The following ZNF425 variants were observed in gnomAD, a reference collection of about 807,000 sequenced individuals.
The protein encoded by ZNF425 is zinc finger protein 425.
Under a neutral mutation model 17.0 loss-of-function variants are expected in ZNF425, and 21 were observed. The ratio of observed to expected loss-of-function variants is 1.23; its 90% CI spans 0.88 to 1.78. The LOEUF (loss-of-function observed/expected upper bound fraction) is 1.78. Among genes scored for constraint, ZNF425 ranks in the 40% most tolerant of loss-of-function variants. ZNF425 has a pLI of 0.00. For missense variants in ZNF425, 868 were observed against 967.3 expected (o/e 0.90, Z 1.36); for synonymous variants, 433 against 384.1 (o/e 1.13, Z -1.49).
chr7:149,118,195 A>T (rs1387800236), intron 2 of ZNF425, 27 bp downstream of exon 2: 34 of 1,613,666 alleles, frequency 2.1e-5, no homozygotes, highest in Non-Finnish European at 2.9e-5. Flanking sequence ...GGTTCCTAAA[A>T]AGTGATTCCT....
intron 2 of ZNF425, 173 bp from the exon 3 acceptor site, chr7:149,112,468 A>G (rs1826190126): frequency 1.8e-6 from 1 of 544,812 alleles, no homozygotes; most frequent in Non-Finnish European, 3.2e-6. Flanking sequence ...CTCCGTCTCT[A>G]CTAAAATTAC....
intron 1 of ZNF425, 115 bp downstream of exon 1, chr7:149,126,081 G>A: frequency 1.3e-6 from 2 of 1,568,938 alleles, no homozygotes; most frequent in South Asian, 2.3e-5. Flanking sequence ...GTGGGCCACT[G>A]CCAACCCCCA....
rs913575109 is a variant in ZNF425, at chr7:149,104,240, T to G, written c.1631A>C (p.His544Pro). 6.2e-7 allele frequency: 1 copy of G among 1,613,604 alleles called. No individual in the cohort carries two copies. The highest frequency in any genetic ancestry group is 1.3e-5 in the African/African-American group (1 of 74,938). Reference protein sequence around the residue: ...SFRRRAHLTEHTRLHSGEEPF... With the variant: ...SFRRRAHLTEPTRLHSGEEPF... ...CTCCTCGCCACTGTGAAGCCTCGTGTGCTCTGTGAGATGCGCGCGTCGGCG... is the reference window on the plus strand; with the variant it reads ...CTCCTCGCCACTGTGAAGCCTCGTGGGCTCTGTGAGATGCGCGCGTCGGCG... Residue 544 changes from histidine (H) to proline (P), a missense_variant, in exon 4 of 4, where the codon CAC becomes CCC. Physicochemically the swap from His to Pro is moderately conservative, Grantham distance 77. Coordinates refer to ENST00000378061, the MANE Select transcript of ZNF425 (RefSeq NM_001001661.3). This position sits in a 1 kb window ranked among gnomAD's most constrained non-coding sequence, Gnocchi z 4.3.
intron 3 of ZNF425, among the ~76,000 whole-genome samples, chr7:149,106,659 G>A (rs1826085687): frequency 6.6e-6 from 1 of 152,098 alleles, no homozygotes; most frequent in Non-Finnish European, 1.5e-5. Context: ...TTCACCATGT[G>A]TTAAGAAATA....
chr7:149,109,073 TTTTC>T (rs1437971122), intron 3 of ZNF425, among the ~76,000 whole-genome samples: 3 of 150,952 alleles, frequency 2.0e-5, no homozygotes, highest in South Asian at 4.2e-4. Context: ...CTGTTTTCTT[TTTTC>T]TTTCTTTTTT....
chr7:149,124,419 T>C (rs946123909), intron 1 of ZNF425, among the ~76,000 whole-genome samples: 1 of 152,210 alleles, frequency 6.6e-6, no homozygotes, highest in Non-Finnish European at 1.5e-5. Flanking sequence ...CCACCCAAAG[T>C]GCTGGGATTA....
intron 3 of ZNF425, among the ~76,000 whole-genome samples, chr7:149,111,590 TAAAAAA>T (rs60783786): frequency 0.013 from 719 of 54,308 alleles, 11 homozygotes; most frequent in African/African-American, 0.039. Context: ...AGACTCTGTC[TAAAAAA>T]AAAAAAAAAA....
At chr7:149,113,745 G>A (rs1386730980) in intron 2 of ZNF425, among the ~76,000 whole-genome samples, 1 of 151,458 alleles carries the variant, frequency 6.6e-6, no homozygotes, top group African/African-American at 2.4e-5. Context: ...TAGAGATGGG[G>A]TTTCACCGTG....
At chr7:149,119,952 C>T (rs1438777776) in intron 1 of ZNF425, among the ~76,000 whole-genome samples, 1 of 152,130 alleles carries the variant, frequency 6.6e-6, no homozygotes, top group African/African-American at 2.4e-5. Flanking sequence ...GGGACTTGAG[C>T]ATCCATGGAT....
chr7:149,110,098 A>G (rs1826149714), intron 3 of ZNF425, among the ~76,000 whole-genome samples: 1 of 149,796 alleles, frequency 6.7e-6, no homozygotes, highest in Non-Finnish European at 1.5e-5. Context: ...CTGGTCTCGA[A>G]CTCCTGACCT....
Position 149,104,760 on chromosome 7 carries a change from C to T in ZNF425, c.1111G>A (p.Ala371Thr). 3 of 1,613,038 alleles carry T rather than the reference C, an allele frequency of 1.9e-6. No homozygotes were observed. The highest frequency in any genetic ancestry group is 1.7e-6 in the Non-Finnish European group (2 of 1,179,782). ...PECGRSFSRKAALKTHQRTHS... is the reference protein window; with the variant it reads ...PECGRSFSRKTALKTHQRTHS... ...GTCCTCTGGTGGGTCTTCAGGGCAG[C>T]CTTCCGGGAGAAGCTCCGGCCACAC... The change falls in exon 4 of 4, where the codon GCT (alanine) becomes ACT (threonine). Residue 371 changes from alanine to threonine, a missense_variant. By Grantham distance (58) the Ala-to-Thr change is moderately conservative. Around this residue, in one of 5 missense-constraint regions of ZNF425, gnomAD observed 243 missense variants for 265.2 expected, o/e 0.92. Coordinates refer to ENST00000378061, the MANE Select transcript of ZNF425 (RefSeq NM_001001661.3). The surrounding 1 kb of genome is among the most constrained non-coding windows in gnomAD (Gnocchi z 4.3).
In ZNF425 at chr7:149,103,399, G is replaced by A; in HGVS notation, c.*213C>T. On this transcript the variant is annotated 3_prime_UTR_variant, in exon 4 of 4. Coordinates refer to ENST00000378061, the MANE Select transcript of ZNF425 (RefSeq NM_001001661.3). ...CGCCTGGCTGACTTTTATATTTTTT[G>A]TAGAGATGGAGTCTTGCAATGTTGC... 3 of 567,128 alleles carry A rather than the reference G, an allele frequency of 5.3e-6. No homozygotes were observed. The highest frequency in any genetic ancestry group is 8.9e-6 in the Non-Finnish European group (3 of 335,988). The allele number at this position is 567,128 out of a possible 1,614,324, so 35.1% of individuals were successfully genotyped here. A position where few individuals can be genotyped will look rare whatever the true frequency, so the allele number is the denominator to read the frequency against.
At chr7:149,109,109 C>T (rs1180952780) in intron 3 of ZNF425, among the ~76,000 whole-genome samples, 2 of 144,912 alleles carry the variant, frequency 1.4e-5, no homozygotes, top group African/African-American at 5.2e-5. Flanking sequence ...AACGGAGTCT[C>T]GCTCTGTTGC....
intron 1 of ZNF425, among the ~76,000 whole-genome samples, chr7:149,120,503 T>G (rs911021853): frequency 6.6e-6 from 1 of 152,238 alleles, no homozygotes; most frequent in Non-Finnish European, 1.5e-5. Flanking sequence ...TTTACCAATA[T>G]AGTCATGTGC....
At chr7:149,108,123 C>T (rs1206285051) in intron 3 of ZNF425, among the ~76,000 whole-genome samples, 1 of 151,868 alleles carries the variant, frequency 6.6e-6, no homozygotes, top group Admixed American at 6.6e-5. Flanking sequence ...CTTCCTGCCT[C>T]AGCCTCACAA....
At chr7:149,107,104 C>CAAA (rs35268081) in intron 3 of ZNF425, among the ~76,000 whole-genome samples, 1 of 82,038 alleles carries the variant, frequency 1.2e-5, no homozygotes, top group Non-Finnish European at 2.7e-5. Flanking sequence ...GAGACTGTCT[C>CAAA]AAAAAAAAAA....
rs758330922 is a variant in ZNF425 at position 149,104,461 on chromosome 7, G to A, written c.1410C>T (p.Phe470=). Residue 470 remains phenylalanine, a synonymous_variant, in exon 4 of 4, where the codon TTC becomes TTT. Coordinates refer to ENST00000378061, the MANE Select transcript of ZNF425 (RefSeq NM_001001661.3). This position sits in a 1 kb window ranked among gnomAD's most constrained non-coding sequence, Gnocchi z 4.3. ...AGCGCTTGCCGCACTCGGCGCAGGG[G>A]AAGGGCTTTTGCTCGCTGTGCAGGC... ...HQRLHSEQKP[F]PCAECGKRFT... is the part of the protein sequence containing the mutation. The A allele has an allele frequency of 1.9e-6, 3 of 1,600,590 alleles. No homozygotes were observed. The highest frequency in any genetic ancestry group is 2.6e-6 in the Non-Finnish European group (3 of 1,174,416).
At chr7:149,108,709 C>T (rs573038871) in intron 3 of ZNF425, among the ~76,000 whole-genome samples, 44 of 152,106 alleles carry the variant, frequency 2.9e-4, no homozygotes, top group African/African-American at 9.4e-4. Flanking sequence ...CTGGCTAACA[C>T]GGTGAAACCC....
chr7:149,113,928 T>C (rs1826213243), intron 2 of ZNF425, among the ~76,000 whole-genome samples: 1 of 148,708 alleles, frequency 6.7e-6, no homozygotes, highest in Non-Finnish European at 1.5e-5. Context: ...GTTGGGAGGA[T>C]CACTTGAGCC....
Sources: gnomAD v4.1 joint callset for allele counts (sites outside exome capture counted in the v4.1 genomes callset) on GRCh38, gnomAD v4.1.1 for gene constraint, gnomAD v4.1.1 regional missense constraint, Gnocchi (gnomAD v3.1) non-coding constraint, MANE v1.5 for transcripts, NCBI Gene and HGNC (gene_info 2026-07-23, HGNC 2026-07-21) for gene names.